The following ACTR3C variants were observed in gnomAD, a reference collection of about 807,000 sequenced individuals.
ACTR3C encodes actin-related protein 3C.
In ACTR3C, 18 loss-of-function variants were observed where a neutral mutation model predicts 26.3. That is an observed-to-expected ratio of 0.68 (90% confidence interval 0.47 to 1.01). The LOEUF (loss-of-function observed/expected upper bound fraction) is 1.01, where lower values mean the gene tolerates loss of function less well. Ranked by LOEUF, ACTR3C falls within the 50% of genes least tolerant of loss-of-function variation. The pLI is 0.00. For missense variants in ACTR3C, 184 were observed against 250.7 expected, an observed-to-expected ratio of 0.73 and a Z score of 1.80; for synonymous variants, 55 against 94.5, an observed-to-expected ratio of 0.58 and a Z score of 2.42.
At chr7:149,914,952 TC>T in the ACTR3C span, among the ~76,000 whole-genome samples, 2 of 151,342 alleles carry the variant, frequency 1.3e-5, no homozygotes, top group Admixed American at 6.6e-5. Flanking sequence ...CAATCTCGGC[TC>T]ACTGCAACCT....
At chr7:150,137,074 G>T in the ACTR3C span, among the ~76,000 whole-genome samples, 1 of 152,194 alleles carries the variant, frequency 6.6e-6, no homozygotes, top group African/African-American at 2.4e-5. Flanking sequence ...CAGGAGGTGG[G>T]GCTTGGGCAG....
the ACTR3C span, among the ~76,000 whole-genome samples, chr7:150,238,516 A>G: frequency 9.8e-4 from 130 of 132,018 alleles, no homozygotes; most frequent in African/African-American, 3.9e-3. Context: ...ATACACAACT[A>G]TTTTCAAAAT....
chr7:150,080,420 A>G, the ACTR3C span, among the ~76,000 whole-genome samples: 4 of 151,622 alleles, frequency 2.6e-5, no homozygotes, highest in African/African-American at 9.7e-5. Flanking sequence ...ATCTAGAGGA[A>G]AATTTAAAAC....
intron 6 of ACTR3C, among the ~76,000 whole-genome samples, chr7:150,278,046 A>G (rs1835028214): frequency 1.3e-5 from 2 of 152,044 alleles, no homozygotes; most frequent in Non-Finnish European, 2.9e-5. Flanking sequence ...GCCCTGTGTA[A>G]TCTGGCCCCA....
At chr7:150,074,478 C>T in the ACTR3C span, 5 of 152,158 alleles carry the variant, frequency 3.3e-5, no homozygotes, top group African/African-American at 9.7e-5. Flanking sequence ...CATACCCTGG[C>T]GTCCAGGGTT....
At chr7:150,252,324 A>G (rs1832912134) in intron 6 of ACTR3C, among the ~76,000 whole-genome samples, 1 of 152,222 alleles carries the variant, frequency 6.6e-6, no homozygotes, top group Non-Finnish European at 1.5e-5. Flanking sequence ...CAAAATGTGC[A>G]ATTTAATGCA....
the ACTR3C span, among the ~76,000 whole-genome samples, chr7:150,068,177 T>C: frequency 6.6e-6 from 1 of 152,244 alleles, no homozygotes; most frequent in Non-Finnish European, 1.5e-5. Context: ...TTAGATAAAC[T>C]AGTAACATTT....
the ACTR3C span, among the ~76,000 whole-genome samples, chr7:150,129,884 T>C: frequency 2.5e-4 from 38 of 152,264 alleles, no homozygotes; most frequent in Admixed American, 8.5e-4. Context: ...AAAACAATTT[T>C]AAAGAGGAAG....
rs1057137421 is a variant in ACTR3C, at chr7:150,280,211, GGGACCCAGACTCC to G, written c.564+4529_564+4541del. On this transcript the variant is annotated intron_variant, in intron 6 of 7. Transcript: ENST00000683684. ...CAATTACATCAGAATCTCCCAGGGT[GGGACCCAGACTCC>G]GGTCCATTTTACAGCTCCTGGATGA... 3.7e-4 allele frequency among the ~76,000 whole-genome samples: 56 copies of G among 152,198 alleles called. 1 individual carries two copies. The highest frequency in any genetic ancestry group is 3.4e-3 in the Middle Eastern group (1 of 294).
chr7:150,072,431 T>G, the ACTR3C span, among the ~76,000 whole-genome samples: 1 of 124,406 alleles, frequency 8.0e-6, no homozygotes, highest in Non-Finnish European at 1.8e-5. Flanking sequence ...GGGAATTGTG[T>G]TTAAAATTCA....
Position 150,323,521 on chromosome 7 carries a change from T to G in ACTR3C, c.-104A>C. On this transcript the variant is annotated 5_prime_UTR_variant, in exon 1 of 8. Transcript: ENST00000683684. ...GCGGAGTTGCGCCGGACTTCCCAGC[T>G]TGGCCAGTGGCTCCGCAGGCTGCCG... 1 of 438,540 alleles carries G rather than the reference T, an allele frequency of 2.3e-6. No homozygotes were observed. The highest frequency in any genetic ancestry group is 1.6e-5 in the South Asian group (1 of 63,120). The allele number at this position is 438,540 out of a possible 1,614,324, so 27.2% of individuals were successfully genotyped here. A position where few individuals can be genotyped will look rare whatever the true frequency, so the allele number is the denominator to read the frequency against.
the ACTR3C span, among the ~76,000 whole-genome samples, chr7:149,907,478 T>TCTCTTCTCTCTCTCTCTCTCTC: frequency 2.0e-5 from 2 of 97,598 alleles, no homozygotes; most frequent in South Asian, 4.6e-4. Flanking sequence ...CTCTCTTCTC[T>TCTCTTCTCTCTCTCTCTCTCTC]TCTCTCTCTC....
At chr7:150,105,839 A>G in the ACTR3C span, among the ~76,000 whole-genome samples, 1 of 152,028 alleles carries the variant, frequency 6.6e-6, no homozygotes, top group African/African-American at 2.4e-5. Context: ...GTTAAGTGAA[A>G]CTTATCTGTA....
the ACTR3C span, among the ~76,000 whole-genome samples, chr7:149,987,303 C>T: frequency 0.96 from 146,074 of 151,944 alleles, 70,349 homozygotes; most frequent in East Asian, 1. Flanking sequence ...CTGTGGCTCA[C>T]GCCTGTAATC....
chr7:150,133,097 C>T, the ACTR3C span, among the ~76,000 whole-genome samples: 4 of 152,150 alleles, frequency 2.6e-5, no homozygotes, highest in Non-Finnish European at 4.4e-5. Context: ...AAAACTATCT[C>T]GCATGCACAC....
chr7:150,033,208 T>G, the ACTR3C span, among the ~76,000 whole-genome samples: 57,463 of 151,452 alleles, frequency 0.38, 11,516 homozygotes, highest in East Asian at 0.62. Flanking sequence ...ACTCGGTGGG[T>G]TTTCCCCACT....
chr7:150,117,140 C>A, the ACTR3C span, among the ~76,000 whole-genome samples: 1 of 152,194 alleles, frequency 6.6e-6, no homozygotes. Flanking sequence ...GGCTTTCAAG[C>A]ACAAAACTGG....
intron 6 of ACTR3C, among the ~76,000 whole-genome samples, chr7:150,278,468 C>T (rs1157147567): frequency 3.3e-5 from 5 of 152,234 alleles, no homozygotes; most frequent in Admixed American, 2.0e-4. Context: ...CCTGTCCACA[C>T]GGAGGCCCAC....
chr7:150,143,658 GT>G, the ACTR3C span, among the ~76,000 whole-genome samples: 1 of 152,148 alleles, frequency 6.6e-6, no homozygotes, highest in African/African-American at 2.4e-5. Context: ...AAAACCGTGA[GT>G]GGAAATTAAA....
Sources: gnomAD v4.1 joint callset for allele counts (sites outside exome capture counted in the v4.1 genomes callset) on GRCh38, gnomAD v4.1.1 for gene constraint, MANE v1.5 for transcripts, NCBI Gene and HGNC (gene_info 2026-07-23, HGNC 2026-07-21) for gene names.